The following IDI2 variants were observed in gnomAD, a reference collection of about 807,000 sequenced individuals.
The protein encoded by IDI2 is isopentenyl-diphosphate delta-isomerase 2.
A neutral mutation model predicts 14.8 loss-of-function variants in IDI2; 18 were observed. That is an observed-to-expected ratio of 1.22 (90% CI 0.84 to 1.80). The LOEUF (loss-of-function observed/expected upper bound fraction) is 1.80. Among genes scored for constraint, IDI2 ranks in the 40% most tolerant of loss-of-function variants. IDI2 has a pLI of 0.00. For synonymous variants in IDI2, 133 were observed against 109.6 expected, an observed-to-expected ratio of 1.21 and a Z score of -1.33; for missense variants, 316 against 283.2, an observed-to-expected ratio of 1.12 and a Z score of -0.83.
At chr10:1,020,553 T>C (rs891438009) in intron 4 of IDI2, among the ~76,000 whole-genome samples, 8 of 152,114 alleles carry the variant, frequency 5.3e-5, no homozygotes, top group African/African-American at 1.9e-4. Flanking sequence ...CTGGGACACA[T>C]AGGGACTCAC....
rs143208777 is a variant in IDI2, at chr10:1,023,184, A to T, written c.143-409T>A. On this transcript the variant is annotated intron_variant, in intron 2 of 4. Coordinates refer to ENST00000277517, the MANE Select transcript of IDI2 (RefSeq NM_033261.3). ...GCATACCATTCCACCACAAAAGAAG[A>T]ATGAAATCGGGCCGGGTGCGGTGGC... Among the ~76,000 whole-genome samples, 516 of 152,266 alleles carry T rather than the reference A, an allele frequency of 3.4e-3. 4 individuals carry two copies. The highest frequency in any genetic ancestry group is 0.012 in the African/African-American group (482 of 41,562).
At chr10:1,020,227 CTT>C (rs67920739) in intron 4 of IDI2, among the ~76,000 whole-genome samples, 13 of 144,276 alleles carry the variant, frequency 9.0e-5, no homozygotes, top group Non-Finnish European at 9.1e-5. Context: ...GAATTTCTTT[CTT>C]TTTTTTTTTT....
chr10:1,023,593 T>G (rs1832156089), intron 2 of IDI2, among the ~76,000 whole-genome samples: 1 of 152,166 alleles, frequency 6.6e-6, no homozygotes, highest in African/African-American at 2.4e-5. Flanking sequence ...TCACATGTTC[T>G]CACTGCTATG....
intron 2 of IDI2, among the ~76,000 whole-genome samples, chr10:1,024,347 G>A (rs1589038360): frequency 6.6e-6 from 1 of 152,284 alleles, no homozygotes; most frequent in Non-Finnish European, 1.5e-5. Flanking sequence ...AGGATCTTAC[G>A]AGGAAGAGCA....
At chr10:1,023,096 T>G (rs1045293616) in intron 2 of IDI2, among the ~76,000 whole-genome samples, 3 of 152,156 alleles carry the variant, frequency 2.0e-5, no homozygotes, top group Non-Finnish European at 2.9e-5. Flanking sequence ...AGCCAAGATA[T>G]GAGATCAACC....
At chr10:1,021,035 G>C (rs967610209) in intron 3 of IDI2, 138 bp from the exon 4 acceptor site, 5 of 932,892 alleles carry the variant, frequency 5.4e-6, no homozygotes, top group Admixed American at 2.6e-5. Context: ...GGTTTGTCAT[G>C]GGCTCTCAGA....
chr10:1,024,815 A>G, intron 1 of IDI2, 71 bp from the exon 2 acceptor site: 1 of 1,470,538 alleles, frequency 6.8e-7, no homozygotes, highest in East Asian at 2.3e-5. Context: ...ATGTGTTACC[A>G]ACCACATTAG....
At chr10:1,020,431 C>T (rs954735130) in intron 4 of IDI2, among the ~76,000 whole-genome samples, 14 of 152,214 alleles carry the variant, frequency 9.2e-5, no homozygotes, top group Non-Finnish European at 1.3e-4. Context: ...CCTTGTGATC[C>T]GCCCGCCTCG....
chr10:1,022,550 C>CG, intron 3 of IDI2, 133 bp downstream of exon 3: 2 of 697,304 alleles, frequency 2.9e-6, no homozygotes, highest in Non-Finnish European at 5.2e-6. Context: ...CCTAAGCTGC[C>CG]GATTTTCTGC....
At chr10:1,025,619 A>G (rs1832203749) in intron 1 of IDI2, among the ~76,000 whole-genome samples, 197 bp downstream of exon 1, 1 of 152,156 alleles carries the variant, frequency 6.6e-6, no homozygotes, top group South Asian at 2.1e-4. Context: ...CTACTTTTTA[A>G]AAAAATGCAT....
intron 4 of IDI2, among the ~76,000 whole-genome samples, chr10:1,020,408 C>T (rs1253290078): frequency 6.6e-6 from 1 of 151,992 alleles, no homozygotes; most frequent in Admixed American, 6.5e-5. Flanking sequence ...CCAGGATGGT[C>T]TTGATTTCTT....
At position 1,024,677 on chromosome 10, in the gene IDI2, C is replaced by T. The variant is rs561752685; in HGVS notation, c.47G>A (p.Arg16His). The change falls in exon 2 of 5, where the codon CGC (arginine) becomes CAC (histidine). Residue 16 changes from arginine (R) to histidine (H), a missense_variant. Arg to His is a conservative substitution (Grantham distance 29). Transcript: ENST00000277517. Reference sequence around the variant, plus strand: ...CACAACAATCAGCATTTCCTCCAAGCGCTGCAACTGACGCCTGTCAACCCA... The same window carrying T: ...CACAACAATCAGCATTTCCTCCAAGTGCTGCAACTGACGCCTGTCAACCCA... Reference protein sequence around the residue: ...LDWVDRRQLQRLEEMLIVVDE... With the variant: ...LDWVDRRQLQHLEEMLIVVDE... The T allele has an allele frequency of 6.1e-5, 99 of 1,614,142 alleles. No homozygotes were observed. The Admixed American group carries it at 1.0e-3, about 17-fold the overall frequency.
intron 3 of IDI2, among the ~76,000 whole-genome samples, chr10:1,021,866 G>A (rs971189024): frequency 1.1e-4 from 16 of 152,312 alleles, no homozygotes; most frequent in African/African-American, 2.4e-4. Context: ...TTAGCCATTC[G>A]CTTTAATGGC....
intron 2 of IDI2, 116 bp downstream of exon 2, chr10:1,024,466 G>A (rs1488249189): frequency 6.3e-5 from 69 of 1,099,822 alleles, no homozygotes; most frequent in Non-Finnish European, 9.0e-5. Context: ...AAGCACACAG[G>A]TGACCCAGTG....
chr10:1,024,858 C>T, intron 1 of IDI2, 114 bp from the exon 2 acceptor site: 1 of 952,224 alleles, frequency 1.1e-6, no homozygotes, highest in Non-Finnish European at 1.6e-6. Flanking sequence ...CAAGTGACAG[C>T]AATTGTGTTG....
intron 1 of IDI2, among the ~76,000 whole-genome samples, chr10:1,024,990 G>T (rs576848531): frequency 7.0e-6 from 1 of 142,234 alleles, no homozygotes; most frequent in Non-Finnish European, 1.5e-5. Context: ...TTAGTGACGA[G>T]TTAAAGAATC....
intron 1 of IDI2, among the ~76,000 whole-genome samples, 161 bp from the exon 2 acceptor site, chr10:1,024,905 C>G (rs900232056): frequency 6.6e-6 from 1 of 152,082 alleles, no homozygotes; most frequent in East Asian, 1.9e-4. Flanking sequence ...GGTGAATCAT[C>G]TGTTTCTAAT....
intron 4 of IDI2, among the ~76,000 whole-genome samples, chr10:1,020,390 C>T (rs1001120628): frequency 6.6e-6 from 1 of 152,120 alleles, no homozygotes; most frequent in Non-Finnish European, 1.5e-5. Context: ...GGGGTTTCAC[C>T]ATGTTGGCCA....
intron 4 of IDI2, 152 bp downstream of exon 4, chr10:1,020,615 G>GC (rs1564474235): frequency 1.4e-6 from 1 of 729,998 alleles, no homozygotes; most frequent in South Asian, 2.2e-5. Flanking sequence ...CCCATTCACA[G>GC]CTCATTCACA....
Sources: gnomAD v4.1 joint callset for allele counts (sites outside exome capture counted in the v4.1 genomes callset) on GRCh38, gnomAD v4.1.1 for gene constraint, MANE v1.5 for transcripts, NCBI Gene and HGNC (gene_info 2026-07-23, HGNC 2026-07-21) for gene names.